Variants in CCDC146 observed in about 807,000 individuals in gnomAD.
CCDC146 encodes the protein coiled-coil domain-containing protein 146.
CCDC146 carries 92 observed loss-of-function variants against 119.3 expected under a neutral mutation model. The ratio of observed to expected loss-of-function variants is 0.77; its 90% CI spans 0.65 to 0.92. The LOEUF is 0.92. Among genes scored for constraint, CCDC146 ranks in the 40% least tolerant of loss-of-function variants. CCDC146 has a pLI of 0.00. For synonymous variants in CCDC146, 372 were observed against 371.8 expected, an observed-to-expected ratio of 1.00 and a Z score of -0.01; for missense variants, 1,000 against 1,103.0, an observed-to-expected ratio of 0.91 and a Z score of 1.32.
Position 77,173,762 on chromosome 7 carries a change from C to CT in CCDC146, c.156+5946dup, listed in dbSNP as rs1002075347. ...TAACTATGAGGCCTGGTACTCCAGA[C>CT]TTTTTTTTGTCCTATTGGATATTTA... On this transcript the variant is annotated intron_variant, in intron 2 of 18. Coordinates refer to ENST00000285871, the MANE Select transcript of CCDC146 (RefSeq NM_020879.3). Among the ~76,000 whole-genome samples, 12 of 151,706 alleles carry CT rather than the reference C, an allele frequency of 7.9e-5. No homozygotes were observed. In the South Asian group the frequency reaches 1.0e-3, roughly 13 times the overall value.
chr7:77,142,512 C>A (rs554621974), intron 1 of CCDC146, among the ~76,000 whole-genome samples: 1 of 151,734 alleles, frequency 6.6e-6, no homozygotes, highest in East Asian at 1.9e-4. Context: ...TGTGCTGCAC[C>A]CATTAACTCA....
In CCDC146 at chr7:77,293,165, G is replaced by A. The variant is rs1781070695; in HGVS notation, c.2629G>A (p.Glu877Lys). 6.2e-7 allele frequency: 1 copy of A among 1,613,996 alleles called. No individual in the cohort carries two copies. The highest frequency in any genetic ancestry group is 8.5e-7 in the Non-Finnish European group (1 of 1,180,026). ...KEWLKVLRDEEMHALAIAEKS... is the reference protein window; with the variant it reads ...KEWLKVLRDEKMHALAIAEKS... ...ATGGTTGAAAGTCCTTCGAGATGAA[G>A]AAATGCACGCCTTGGCCATCGCTGA... Residue 877 changes from glutamate to lysine, a missense_variant, in exon 18 of 19, where the codon GAA (glutamate) becomes AAA (lysine). Physicochemically the swap from Glu to Lys is moderately conservative, Grantham distance 56 (BLOSUM62 1). Transcript: ENST00000285871.
At chr7:77,165,437 C>T (rs1213465962) in intron 1 of CCDC146, among the ~76,000 whole-genome samples, 1 of 151,982 alleles carries the variant, frequency 6.6e-6, no homozygotes, top group Non-Finnish European at 1.5e-5. Flanking sequence ...TGCACATGCA[C>T]AGGCCTGAAT....
intron 1 of CCDC146, among the ~76,000 whole-genome samples, chr7:77,149,077 A>G (rs1286683476): frequency 6.6e-6 from 1 of 152,204 alleles, no homozygotes; most frequent in African/African-American, 2.4e-5. Flanking sequence ...ACTTCAAACT[A>G]TACTACAAAG....
intron 4 of CCDC146, among the ~76,000 whole-genome samples, chr7:77,253,689 G>A (rs1584114055): frequency 6.6e-6 from 1 of 152,202 alleles, no homozygotes; most frequent in East Asian, 1.9e-4. Flanking sequence ...TATAATGTCA[G>A]GTCATGATGA....
chr7:77,205,603 C>T (rs1220765168), intron 2 of CCDC146, among the ~76,000 whole-genome samples: 2 of 152,008 alleles, frequency 1.3e-5, no homozygotes, highest in Non-Finnish European at 2.9e-5. Flanking sequence ...ACCAAAAATA[C>T]AAAAAATTAG....
At chr7:77,228,341 G>A (rs1200619715) in intron 2 of CCDC146, among the ~76,000 whole-genome samples, 1 of 152,114 alleles carries the variant, frequency 6.6e-6, no homozygotes, top group East Asian at 1.9e-4. Flanking sequence ...CCCAGTGTGT[G>A]TTGTTTCCCT....
chr7:77,214,595 A>C (rs13227255), intron 2 of CCDC146, among the ~76,000 whole-genome samples: 15,813 of 151,786 alleles, frequency 0.1, 1,103 homozygotes, highest in Non-Finnish European at 0.16. Context: ...ATCCCTCTTG[A>C]GTTAATTTTT....
At chr7:77,202,078 G>C (rs1792001629) in intron 2 of CCDC146, among the ~76,000 whole-genome samples, 1 of 152,230 alleles carries the variant, frequency 6.6e-6, no homozygotes, top group African/African-American at 2.4e-5. Context: ...CACTATGCTA[G>C]AGCATATATA....
At chr7:77,221,253 C>G (rs1442725282) in intron 2 of CCDC146, among the ~76,000 whole-genome samples, 1 of 152,186 alleles carries the variant, frequency 6.6e-6, no homozygotes, top group Non-Finnish European at 1.5e-5. Context: ...GACACAGATC[C>G]AGACCACATC....
intron 2 of CCDC146, among the ~76,000 whole-genome samples, chr7:77,192,592 A>T (rs1054293303): frequency 4.6e-5 from 7 of 152,218 alleles, no homozygotes; most frequent in Admixed American, 3.3e-4. Flanking sequence ...AAATCATTTC[A>T]TGAAGGGACT....
chr7:77,190,098 G>C (rs540508994), intron 2 of CCDC146, among the ~76,000 whole-genome samples: 1 of 152,122 alleles, frequency 6.6e-6, no homozygotes, highest in African/African-American at 2.4e-5. Context: ...GTGAATACTC[G>C]ATGAATGAAT....
intron 2 of CCDC146, among the ~76,000 whole-genome samples, chr7:77,172,792 T>A (rs1431969093): frequency 6.6e-6 from 1 of 152,192 alleles, no homozygotes; most frequent in Non-Finnish European, 1.5e-5. Context: ...TGCCTAGTCG[T>A]ATTGCCTCCA....
At chr7:77,258,905 AGTTCC>A (rs2150512155) in intron 6 of CCDC146, 85 bp from the exon 7 acceptor site, 3 of 801,280 alleles carry the variant, frequency 3.7e-6, no homozygotes, top group Non-Finnish European at 6.4e-6. Flanking sequence ...TACATATTGT[AGTTCC>A]TTTCTCTCTC....
In CCDC146 at chr7:77,158,675, A is replaced by G. The variant is rs867876163; in HGVS notation, c.-11-8983A>G. On this transcript the variant is annotated intron_variant, in intron 1 of 18. Transcript: ENST00000285871. ...GCTGGGATTACAGGCGCCCACCACCATGCCCGGCTAATTTTTGTATTTTTA... is the reference window on the plus strand; with the variant it reads ...GCTGGGATTACAGGCGCCCACCACCGTGCCCGGCTAATTTTTGTATTTTTA... 2.6e-5 allele frequency among the ~76,000 whole-genome samples: 4 copies of G among 152,012 alleles called. 1 individual carries two copies. The Middle Eastern group carries it at 0.014, about 517-fold the overall frequency.
intron 2 of CCDC146, among the ~76,000 whole-genome samples, chr7:77,179,053 G>A (rs979822338): frequency 1.3e-5 from 2 of 152,188 alleles, no homozygotes; most frequent in Non-Finnish European, 2.9e-5. Flanking sequence ...AGACTTACAG[G>A]TAAATCAGTT....
intron 2 of CCDC146, among the ~76,000 whole-genome samples, chr7:77,170,371 A>G (rs1331335889): frequency 2.0e-5 from 3 of 151,900 alleles, no homozygotes; most frequent in Non-Finnish European, 4.4e-5. Context: ...TCTTTATCCA[A>G]TCCCCCACTG....
At chr7:77,284,604 A>T (rs1584146679) in intron 15 of CCDC146, among the ~76,000 whole-genome samples, 1 of 151,982 alleles carries the variant, frequency 6.6e-6, no homozygotes, top group South Asian at 2.1e-4. Context: ...CTGCAAATCA[A>T]TACTTCCATT....
At position 77,294,840 on chromosome 7, in the gene CCDC146, C is replaced by G. The variant is rs1249252622; in HGVS notation, c.2842C>G (p.Pro948Ala). The change falls in exon 19 of 19, where the codon CCT (proline) becomes GCT (alanine). Residue 948 changes from proline to alanine, a missense_variant. This residue lies in a region of CCDC146 where 985 missense variants were observed against 1,045.3 expected (regional missense o/e 0.94). Coordinates refer to ENST00000285871, the MANE Select transcript of CCDC146 (RefSeq NM_020879.3). ...PGANMRHIRK[P>A]VIKPVEI is the part of the protein sequence containing the mutation. ...AGCCAATATGAGGCACATAAGGAAA[C>G]CTGTTATAAAGCCAGTTGAAATCTG... The G allele has an allele frequency of 6.2e-7, 1 of 1,614,004 alleles. No homozygotes were observed. Among genetic ancestry groups the G allele is most frequent in the East Asian group, 2.2e-5 (1 of 44,874 alleles).
Sources: allele counts gnomAD v4.1 joint callset (sites outside exome capture counted in the v4.1 genomes callset), GRCh38; gene constraint gnomAD v4.1.1; regional missense constraint gnomAD v4.1.1; transcripts MANE v1.5; gene names NCBI Gene and HGNC (gene_info 2026-07-23, HGNC 2026-07-21).